The following GNA12 variants were observed in gnomAD, a reference collection of about 807,000 sequenced individuals.
GNA12 encodes G protein subunit alpha 12.
Under a neutral mutation model 26.0 loss-of-function variants are expected in GNA12, and 9 were observed. The observed-to-expected ratio is 0.35, with a 90% confidence interval of 0.21 to 0.60. GNA12 has a LOEUF of 0.60. Ranked by LOEUF, GNA12 falls within the 20% of genes least tolerant of loss-of-function variation. GNA12 has a pLI of 0.78. For synonymous variants in GNA12, 264 were observed against 219.6 expected, an observed-to-expected ratio of 1.20 and a Z score of -1.79; for missense variants, 405 against 525.8, an observed-to-expected ratio of 0.77 and a Z score of 2.25.
At chr7:2,837,744 C>T (rs1176499393) in intron 1 of GNA12, among the ~76,000 whole-genome samples, 1 of 151,496 alleles carries the variant, frequency 6.6e-6, no homozygotes, top group Non-Finnish European at 1.5e-5. Flanking sequence ...GCAAACTGAT[C>T]GTTAAAGAAT....
intron 2 of GNA12, among the ~76,000 whole-genome samples, chr7:2,757,514 G>A (rs1216101439): frequency 6.6e-6 from 1 of 152,162 alleles, no homozygotes; most frequent in Admixed American, 6.5e-5. Flanking sequence ...GCCAGTACCA[G>A]TGAGCTTGAA....
chr7:2,824,829 A>G (rs1793447584), intron 1 of GNA12, among the ~76,000 whole-genome samples: 1 of 152,198 alleles, frequency 6.6e-6, no homozygotes, highest in Non-Finnish European at 1.5e-5. Context: ...CGGTGGCAGC[A>G]CAGCCATCAC....
At chr7:2,795,730 T>C (rs1237883131) in intron 1 of GNA12, among the ~76,000 whole-genome samples, 2 of 151,698 alleles carry the variant, frequency 1.3e-5, no homozygotes, top group African/African-American at 2.4e-5. Flanking sequence ...GCAAAGCTAC[T>C]GGAAAAAAGA....
At chr7:2,778,182 G>A (rs1391072175) in intron 2 of GNA12, among the ~76,000 whole-genome samples, 1 of 152,172 alleles carries the variant, frequency 6.6e-6, no homozygotes, top group Non-Finnish European at 1.5e-5. Context: ...TTAAAAAAAA[G>A]CATATTTCGC....
At chr7:2,815,090 C>T (rs1793186123) in intron 1 of GNA12, 1 of 1,251,836 alleles carries the variant, frequency 8.0e-7, no homozygotes, top group African/African-American at 1.5e-5. Context: ...AACAGAGAAC[C>T]AGACAGACAA....
At chr7:2,795,481 A>G (rs1489212736) in intron 1 of GNA12, among the ~76,000 whole-genome samples, 1 of 152,062 alleles carries the variant, frequency 6.6e-6, no homozygotes, top group Non-Finnish European at 1.5e-5. Context: ...AAATTAAATC[A>G]AATTAAAAAC....
intron 2 of GNA12, among the ~76,000 whole-genome samples, chr7:2,790,337 G>T (rs773886586): frequency 1.3e-5 from 2 of 152,144 alleles, no homozygotes; most frequent in Non-Finnish European, 2.9e-5. Flanking sequence ...CTGTAGCCTG[G>T]AACTCCTGGG....
At chr7:2,756,719 T>C (rs1224807004) in intron 2 of GNA12, among the ~76,000 whole-genome samples, 1 of 152,218 alleles carries the variant, frequency 6.6e-6, no homozygotes, top group African/African-American at 2.4e-5. Flanking sequence ...CAGACGCCCC[T>C]GTCTTTCCCT....
At chr7:2,836,977 T>C (rs1463664771) in intron 1 of GNA12, among the ~76,000 whole-genome samples, 1 of 152,006 alleles carries the variant, frequency 6.6e-6, no homozygotes, top group East Asian at 1.9e-4. Context: ...AAACCACATA[T>C]ACCACCCACT....
At chr7:2,740,446 A>C (rs879853893) in intron 2 of GNA12, among the ~76,000 whole-genome samples, 13 of 152,280 alleles carry the variant, frequency 8.5e-5, no homozygotes, top group South Asian at 8.3e-4. Flanking sequence ...GCAAGCGAGG[A>C]AGACAGCCCT....
At chr7:2,829,997 C>T (rs549321402) in intron 1 of GNA12, among the ~76,000 whole-genome samples, 1 of 152,224 alleles carries the variant, frequency 6.6e-6, no homozygotes, top group African/African-American at 2.4e-5. Context: ...CTCCAGTGGA[C>T]TCCTGCCTCG....
chr7:2,779,489 G>A (rs963663867), intron 2 of GNA12, among the ~76,000 whole-genome samples: 4 of 151,706 alleles, frequency 2.6e-5, no homozygotes, highest in Admixed American at 2.0e-4. Context: ...CAGCCTGGGA[G>A]ACAGAGTGAG....
chr7:2,776,227 C>T (rs574121070), intron 2 of GNA12, among the ~76,000 whole-genome samples: 172 of 152,290 alleles, frequency 1.1e-3, no homozygotes, highest in Non-Finnish European at 9.3e-4. Context: ...TGAGCCACCG[C>T]GCCCAGCCAA....
intron 2 of GNA12, among the ~76,000 whole-genome samples, chr7:2,741,328 C>G (rs1158043992): frequency 6.6e-6 from 1 of 152,094 alleles, no homozygotes; most frequent in African/African-American, 2.4e-5. Flanking sequence ...GCACTCAGGC[C>G]TGGGCAACAG....
chr7:2,803,458 C>G (rs1278791287), intron 1 of GNA12, among the ~76,000 whole-genome samples: 1 of 152,154 alleles, frequency 6.6e-6, no homozygotes, highest in East Asian at 1.9e-4. Flanking sequence ...CCTAAGTGCT[C>G]TCACCCCAAG....
chr7:2,748,918 C>T (rs948074686), intron 2 of GNA12, among the ~76,000 whole-genome samples: 1 of 152,238 alleles, frequency 6.6e-6, no homozygotes, highest in Non-Finnish European at 1.5e-5. Flanking sequence ...AAATGCTCAT[C>T]ATCACTGGCC....
At chr7:2,817,532 A>C (rs528537125) in intron 1 of GNA12, among the ~76,000 whole-genome samples, 6 of 152,138 alleles carry the variant, frequency 3.9e-5, no homozygotes, top group Non-Finnish European at 8.8e-5. Flanking sequence ...TGCCCACACC[A>C]GCCCCTCAGC....
chr7:2,766,471 C>T (rs1343107197), intron 2 of GNA12, among the ~76,000 whole-genome samples: 3 of 151,472 alleles, frequency 2.0e-5, no homozygotes, highest in East Asian at 1.9e-4. Context: ...CTGCAACCTC[C>T]GCTTCCCAGG....
chr7:2,843,799 G>A lies in GNA12; in HGVS notation c.309+54C>T, dbSNP rs1299112588. 4 of 1,040,624 alleles carry A rather than the reference G, an allele frequency of 3.8e-6. No homozygotes were observed. In the African/African-American group the frequency reaches 6.7e-5, roughly 18 times the overall value. 64.5% of individuals were successfully genotyped at this position (1,040,624 alleles called of 1,614,324 possible). A position where few individuals can be genotyped will look rare whatever the true frequency, so the allele number is the denominator to read the frequency against. ...GGACCACGGAGGGGCCCGGGGCGGG[G>A]GTTAGCGCCCCGGCCCACCTGGGTG... On this transcript the variant is annotated intron_variant, in intron 1 of 3. Coordinates refer to ENST00000275364, the MANE Select transcript of GNA12 (RefSeq NM_007353.3).
Sources: allele counts gnomAD v4.1 joint callset (sites outside exome capture counted in the v4.1 genomes callset), GRCh38; gene constraint gnomAD v4.1.1; transcripts MANE v1.5; gene names NCBI Gene and HGNC (gene_info 2026-07-23, HGNC 2026-07-21).